TRIO: variants seen among roughly 807,000 people sequenced by gnomAD.
The protein encoded by TRIO is trio Rho guanine nucleotide exchange factor.
Under a neutral mutation model 351.9 loss-of-function variants are expected in TRIO, and 58 were observed. The ratio of observed to expected loss-of-function variants is 0.16; its 90% CI spans 0.13 to 0.21. The LOEUF (loss-of-function observed/expected upper bound fraction) is 0.21. Among genes scored for constraint, TRIO ranks in the 10% least tolerant of loss-of-function variants. The pLI, the probability that TRIO is intolerant of heterozygous loss-of-function variation, is 1.00. For missense variants in TRIO, 3,201 were observed against 4,027.8 expected (o/e 0.79, Z 5.56); for synonymous variants, 1,758 against 1,595.7 (o/e 1.10, Z -2.42).
At chr5:14,424,535 C>G (rs530160079) in intron 34 of TRIO, among the ~76,000 whole-genome samples, 27 of 152,218 alleles carry the variant, frequency 1.8e-4, no homozygotes, top group African/African-American at 6.5e-4. Flanking sequence ...TTGTGGGTGA[C>G]TTGAGCCTCT....
At chr5:14,402,751 ATGG>A (rs1197926200) in intron 31 of TRIO, among the ~76,000 whole-genome samples, 1 of 147,224 alleles carries the variant, frequency 6.8e-6, no homozygotes, top group African/African-American at 2.5e-5. Flanking sequence ...GAGGGTATAG[ATGG>A]TGGTGGCATA....
intron 3 of TRIO, among the ~76,000 whole-genome samples, chr5:14,285,134 GT>G (rs1736328682): frequency 6.6e-6 from 1 of 152,216 alleles, no homozygotes; most frequent in South Asian, 2.1e-4. Context: ...TGCCCGTGAT[GT>G]TACCCGGATT....
At chr5:14,226,629 C>T (rs916256697) in intron 1 of TRIO, among the ~76,000 whole-genome samples, 2 of 152,210 alleles carry the variant, frequency 1.3e-5, no homozygotes, top group African/African-American at 4.8e-5. Flanking sequence ...GGCTGTAAGA[C>T]ATGGAATTTC....
At chr5:14,186,432 G>A (rs1036574566) in intron 1 of TRIO, among the ~76,000 whole-genome samples, 5 of 152,164 alleles carry the variant, frequency 3.3e-5, no homozygotes, top group Non-Finnish European at 4.4e-5. Flanking sequence ...GAAAGGCCCC[G>A]ATGGAACCTT....
chr5:14,358,372 C>T lies in TRIO; in HGVS notation c.2216+25C>T, dbSNP rs374395990. 69 of 1,609,328 alleles carry T rather than the reference C, an allele frequency of 4.3e-5. 1 individual carries two copies. Among genetic ancestry groups the T allele is most frequent in the African/African-American group, 3.5e-4 (26 of 74,814 alleles). ...GGTGGGCCTCACCCCTCTCCTGGTC[C>T]GAACAGATTCTGAAACCCTGCCTGT... On this transcript the variant is annotated intron_variant, in intron 12 of 56. Transcript: ENST00000344204.
At chr5:14,344,222 A>G (rs570041805) in intron 11 of TRIO, among the ~76,000 whole-genome samples, 2 of 151,524 alleles carry the variant, frequency 1.3e-5, no homozygotes, top group East Asian at 3.9e-4. Flanking sequence ...GTGACTGAGC[A>G]TTAGATTTGA....
At chr5:14,303,237 A>G (rs13178667) in intron 7 of TRIO, among the ~76,000 whole-genome samples, 308 of 87,234 alleles carry the variant, frequency 3.5e-3, no homozygotes, top group African/African-American at 0.011. Flanking sequence ...TTGAGCCGGG[A>G]TTGGGATGGC....
chr5:14,280,771 G>A (rs1735923524), intron 3 of TRIO, among the ~76,000 whole-genome samples: 2 of 152,278 alleles, frequency 1.3e-5, no homozygotes, highest in South Asian at 4.1e-4. Context: ...TCAGAATTGG[G>A]TGCTGCTTTT....
At chr5:14,148,167 A>G (rs1259127927) in intron 1 of TRIO, among the ~76,000 whole-genome samples, 2 of 152,260 alleles carry the variant, frequency 1.3e-5, no homozygotes, top group Non-Finnish European at 2.9e-5. Context: ...CATTTCCACC[A>G]TTTAAATGAT....
chr5:14,298,630 G>C (rs1737576172), intron 7 of TRIO, among the ~76,000 whole-genome samples: 1 of 152,182 alleles, frequency 6.6e-6, no homozygotes, highest in African/African-American at 2.4e-5. Flanking sequence ...AGGGCAGTCA[G>C]AATGTTGCAC....
Position 14,307,522 on chromosome 5 carries a change from C to T in TRIO, c.1500+2930C>T, listed in dbSNP as rs570122611. On this transcript the variant is annotated intron_variant, in intron 8 of 56. Transcript: ENST00000344204. ...TTCTCGTGGGCTGACTCAGGCTGTGCCTTTTTGGCAGTGCATGTCCTTCTC... is the reference window on the plus strand; with the variant it reads ...TTCTCGTGGGCTGACTCAGGCTGTGTCTTTTTGGCAGTGCATGTCCTTCTC... 2.6e-5 allele frequency among the ~76,000 whole-genome samples: 4 copies of T among 152,320 alleles called. No individual in the cohort carries two copies. In the East Asian group the frequency reaches 7.7e-4, roughly 29 times the overall value.
intron 48 of TRIO, chr5:14,488,658 C>T (rs1756234086): frequency 1.9e-6 from 1 of 528,102 alleles, no homozygotes; most frequent in Non-Finnish European, 3.4e-6. Flanking sequence ...GCTTTTTGCT[C>T]ATCGCTTGGT....
At position 14,504,268 on chromosome 5, in the gene TRIO, C is replaced by T. The variant is rs752226729; in HGVS notation, c.8412-125C>T. 2.5e-5 allele frequency: 26 copies of T among 1,043,162 alleles called. 1 individual carries two copies. The Middle Eastern group carries it at 3.3e-3, about 132-fold the overall frequency. 64.6% of individuals were successfully genotyped at this position (1,043,162 alleles called of 1,614,324 possible). On this transcript the variant is annotated intron_variant, in intron 54 of 56. Coordinates refer to ENST00000344204, the MANE Select transcript of TRIO (RefSeq NM_007118.4). The stretch of plus-strand genomic sequence containing the variant: ...CACCACAGCCCCTCCGTGGAGTGGC[C>T]GGGAGAGCAGGGCCTCTGGACAGGG...
At chr5:14,455,712 T>C (rs898404508) in intron 34 of TRIO, among the ~76,000 whole-genome samples, 1 of 152,248 alleles carries the variant, frequency 6.6e-6, no homozygotes, top group African/African-American at 2.4e-5. Context: ...AGAGTGCTGA[T>C]TGGTGCATCC....
chr5:14,482,816 A>G (rs775362274), intron 46 of TRIO, 43 bp downstream of exon 46: 6 of 1,428,444 alleles, frequency 4.2e-6, no homozygotes, highest in Non-Finnish European at 5.6e-6. Context: ...CAGCGCATGT[A>G]CCCGTCACAC....
In TRIO at chr5:14,497,926, G is replaced by A. The variant is rs1757006397; in HGVS notation, c.8047+52G>A. ...CCTAGAGATGATTCTAGACCTGTGG[G>A]GCATGTTTCAGAGCACTTGAGTGTG... On this transcript the variant is annotated intron_variant, in intron 51 of 56. Coordinates refer to ENST00000344204, the MANE Select transcript of TRIO (RefSeq NM_007118.4). This position sits in a 1 kb window ranked among gnomAD's most constrained non-coding sequence, Gnocchi z 4.4. 2 of 1,613,428 alleles carry A rather than the reference G, an allele frequency of 1.2e-6. No homozygotes were observed. The highest frequency in any genetic ancestry group is 1.6e-4 in the Middle Eastern group (1 of 6,062).
intron 6 of TRIO, among the ~76,000 whole-genome samples, chr5:14,294,816 T>C (rs1737205020): frequency 6.6e-6 from 1 of 152,194 alleles, no homozygotes; most frequent in South Asian, 2.1e-4. Context: ...GCTTGACATA[T>C]AGTAAGTACT....
intron 1 of TRIO, among the ~76,000 whole-genome samples, chr5:14,239,456 G>A (rs183511479): frequency 3.3e-5 from 5 of 152,268 alleles, no homozygotes; most frequent in African/African-American, 9.6e-5. Context: ...GGGAGAAATA[G>A]CGTTCATCTC....
chr5:14,475,134 C>T (rs1382002029), intron 40 of TRIO, among the ~76,000 whole-genome samples: 9 of 152,208 alleles, frequency 5.9e-5, no homozygotes, highest in South Asian at 2.1e-4. Flanking sequence ...ATACCTGTCC[C>T]TTTAGATCAC....
Sources: gnomAD v4.1 joint callset for allele counts (sites outside exome capture counted in the v4.1 genomes callset) on GRCh38, gnomAD v4.1.1 for gene constraint, Gnocchi (gnomAD v3.1) non-coding constraint, MANE v1.5 for transcripts, NCBI Gene and HGNC (gene_info 2026-07-23, HGNC 2026-07-21) for gene names.